TG: variants seen among roughly 807,000 people sequenced by gnomAD.
TG encodes thyroid hormones.
A neutral mutation model predicts 324.7 loss-of-function variants in TG; 270 were observed. The ratio of observed to expected loss-of-function variants is 0.83; its 90% CI spans 0.75 to 0.92. TG has a LOEUF of 0.92. TG is among the 40% of genes least tolerant of loss of function. The pLI is 0.00. For missense variants in TG, 3,591 were observed against 3,456.4 expected (o/e 1.04, Z -0.98); for synonymous variants, 1,401 against 1,327.0 (o/e 1.06, Z -1.21).
chr8:133,050,690 C>T, intron 41 of TG: 1 of 664,250 alleles, frequency 1.5e-6, no homozygotes, highest in Admixed American at 2.4e-5. Context: ...GGTCAAATTT[C>T]TCACCTCATA....
rs769533061 is a variant in TG, at chr8:132,908,264, A to T, written c.3926A>T (p.Asp1309Val). 1 of 1,613,932 alleles carries T rather than the reference A, an allele frequency of 6.2e-7. No individual in the cohort carries two copies. Among genetic ancestry groups the T allele is most frequent in the East Asian group, 2.2e-5 (1 of 44,820 alleles). Reference sequence around the variant, plus strand: ...CCGCCGGGCAAGATGTGCAGTGCTGACTACGCGGATTTGCTGCAGACTTTC... The same window carrying T: ...CCGCCGGGCAAGATGTGCAGTGCTGTCTACGCGGATTTGCTGCAGACTTTC... Reference protein sequence around the residue: ...QLPPGKMCSADYADLLQTFQV... With the variant: ...QLPPGKMCSAVYADLLQTFQV... Residue 1309 changes from aspartate to valine, a missense_variant, in exon 18 of 48, where the codon GAC (aspartate) becomes GTC (valine). Asp to Val is a radical substitution (Grantham distance 152). Coordinates refer to ENST00000220616, the MANE Select transcript of TG (RefSeq NM_003235.5).
At chr8:133,081,277 T>C (rs569399226) in intron 41 of TG, among the ~76,000 whole-genome samples, 4 of 152,378 alleles carry the variant, frequency 2.6e-5, no homozygotes, top group African/African-American at 7.2e-5. Context: ...CCCAAAGATG[T>C]GATCCGTAAC....
chr8:133,038,725 G>A (rs1837558731), intron 41 of TG: 2 of 1,613,556 alleles, frequency 1.2e-6, no homozygotes, highest in Non-Finnish European at 1.7e-6. Context: ...TTCCCTCGGG[G>A]TCCTCCTGCA....
At chr8:133,001,862 G>A in intron 35 of TG, 1 of 985,448 alleles carries the variant, frequency 1.0e-6, no homozygotes, top group Non-Finnish European at 1.2e-6. Flanking sequence ...GCCTGTGCAG[G>A]TGTGGAAACC....
chr8:133,057,928 G>A (rs1248071803), intron 41 of TG, among the ~76,000 whole-genome samples: 2 of 152,200 alleles, frequency 1.3e-5, no homozygotes, highest in Non-Finnish European at 2.9e-5. Context: ...TGCACGGCCA[G>A]GGTCTGTGGA....
At position 133,067,792 on chromosome 8, in the gene TG, AAAAG is replaced by A. The variant is rs747048269; in HGVS notation, c.7240-27235_7240-27232del. On this transcript the variant is annotated intron_variant, in intron 41 of 47. Transcript: ENST00000220616. ...GACTCCATCTAGAAAGAAAGAAAGA[AAAAG>A]AAAGAAAGAAAGAAAGGAAGGAAGG... Among the ~76,000 whole-genome samples the A allele has an allele frequency of 1.7e-3, 253 of 147,372 alleles. 1 individual carries two copies. Among genetic ancestry groups the A allele is most frequent in the Middle Eastern group, 6.9e-3 (2 of 288 alleles).
Position 132,886,863 on chromosome 8 carries a change from C to G in TG, c.1491C>G (p.Phe497Leu), listed in dbSNP as rs1207003729. The G allele has an allele frequency of 6.2e-7, 1 of 1,614,172 alleles. No homozygotes were observed. Among genetic ancestry groups the G allele is most frequent in the Non-Finnish European group, 8.5e-7 (1 of 1,180,034 alleles). ...TTGGCACAAGAGGCACATTTAACTT[C>G]AGTCAATTTTTCCAGCAACTTGGTC... ...GALGTRGTFN[F>L]SQFFQQLGLA... The change falls in exon 9 of 48, where the codon TTC (phenylalanine) becomes TTG (leucine). Residue 497 changes from phenylalanine (F) to leucine (L), a missense_variant. Transcript: ENST00000220616.
intron 43 of TG, among the ~76,000 whole-genome samples, chr8:133,111,147 A>G (rs1850217159): frequency 6.6e-6 from 1 of 152,078 alleles, no homozygotes; most frequent in South Asian, 2.1e-4. Flanking sequence ...AAAACCACCC[A>G]TCCTTCCATG....
chr8:133,106,419 G>A (rs1849815107), intron 43 of TG: 4 of 985,228 alleles, frequency 4.1e-6, no homozygotes, highest in Non-Finnish European at 4.8e-6. Context: ...GGTCACATTT[G>A]CAAACCAGGA....
At chr8:133,049,566 T>A (rs1195633283) in intron 41 of TG, 1 of 315,374 alleles carries the variant, frequency 3.2e-6, no homozygotes, top group Non-Finnish European at 6.1e-6. Context: ...GAGGCAGGAT[T>A]TGAACCTAGA....
At chr8:132,889,582 T>C (rs913644687) in intron 10 of TG, among the ~76,000 whole-genome samples, 4 of 152,224 alleles carry the variant, frequency 2.6e-5, no homozygotes, top group African/African-American at 7.2e-5. Context: ...GGTTAACACA[T>C]TGATCTTGGC....
chr8:132,960,906 C>G, intron 27 of TG, 102 bp from the exon 28 acceptor site: 1 of 1,187,476 alleles, frequency 8.4e-7, no homozygotes, highest in African/African-American at 1.5e-5. Flanking sequence ...GTTTTCAGGC[C>G]TAGGAAGAGC....
At chr8:133,088,686 G>A (rs1847001743) in intron 41 of TG, among the ~76,000 whole-genome samples, 1 of 152,112 alleles carries the variant, frequency 6.6e-6, no homozygotes, top group Non-Finnish European at 1.5e-5. Context: ...CATTCACTAG[G>A]CCTTCTTCAA....
chr8:132,971,706 A>G (rs1265685652), intron 32 of TG, 88 bp from the exon 33 acceptor site: 1 of 928,772 alleles, frequency 1.1e-6, no homozygotes, highest in Non-Finnish European at 1.8e-6. Context: ...TAGTTCCCCA[A>G]AGCAAGAATG....
rs767313444 is a variant in TG, at chr8:132,906,769, G to A, written c.3716G>A (p.Gly1239Asp). 1.2e-6 allele frequency: 2 copies of A among 1,614,212 alleles called. No individual in the cohort carries two copies. Among genetic ancestry groups the A allele is most frequent in the Non-Finnish European group, 8.5e-7 (1 of 1,180,042 alleles). Residue 1239 changes from glycine to aspartate, a missense_variant, in exon 17 of 48, where the codon GGC (glycine) becomes GAC (aspartate). Transcript: ENST00000220616. ...ILCETISGPT[G>D]SAMQQCQLLC... ...TGTGAGACAATCTCGGGCCCCACAGGCTCTGCCATGCAGCAGTGCCAATTG... is the reference window on the plus strand; with the variant it reads ...TGTGAGACAATCTCGGGCCCCACAGACTCTGCCATGCAGCAGTGCCAATTG...
At chr8:132,994,978 T>G in intron 35 of TG, 1 of 977,934 alleles carries the variant, frequency 1.0e-6, no homozygotes, top group African/African-American at 1.8e-5. Flanking sequence ...TAAATTTCCC[T>G]TTAAATTTTG....
At chr8:133,050,208 C>T in intron 41 of TG, 1 of 557,064 alleles carries the variant, frequency 1.8e-6, no homozygotes, top group East Asian at 2.9e-5. Flanking sequence ...ACTGGTAAAC[C>T]CTCCCATGTG....
intron 40 of TG, among the ~76,000 whole-genome samples, chr8:133,022,358 T>A (rs1029037660): frequency 6.6e-6 from 1 of 152,180 alleles, no homozygotes; most frequent in Admixed American, 6.5e-5. Flanking sequence ...ACTTACTACA[T>A]GTCTGAGCTT....
intron 5 of TG, among the ~76,000 whole-genome samples, chr8:132,880,898 T>G (rs2132115889): frequency 6.6e-6 from 1 of 152,350 alleles, no homozygotes; most frequent in African/African-American, 2.4e-5. Context: ...TTCTTAATTT[T>G]CTACTATTGG....
Sources: allele counts gnomAD v4.1 joint callset (sites outside exome capture counted in the v4.1 genomes callset), GRCh38; gene constraint gnomAD v4.1.1; transcripts MANE v1.5; gene names NCBI Gene and HGNC (gene_info 2026-07-23, HGNC 2026-07-21).